FRMD4B: variants seen among roughly 807,000 people sequenced by gnomAD.
The protein encoded by FRMD4B is FERM domain containing 4B, also known as FERM domain-containing protein 4B.
FRMD4B carries 74 observed loss-of-function variants against 141.5 expected under a neutral mutation model. The ratio of observed to expected loss-of-function variants is 0.52; its 90% confidence interval spans 0.43 to 0.63. The LOEUF (loss-of-function observed/expected upper bound fraction) is 0.63, where lower values mean the gene tolerates loss of function less well. Among genes scored for constraint, FRMD4B ranks in the 30% least tolerant of loss-of-function variants. FRMD4B has a pLI of 0.00. For missense variants in FRMD4B, 1,366 were observed against 1,253.4 expected (o/e 1.09, Z -1.36); for synonymous variants, 506 against 467.9 (o/e 1.08, Z -1.05).
intron 3 of FRMD4B, among the ~76,000 whole-genome samples, chr3:69,308,150 G>C (rs963571368): frequency 6.6e-6 from 1 of 152,112 alleles, no homozygotes; most frequent in Non-Finnish European, 1.5e-5. Context: ...TGGGATGACA[G>C]CTCCCTTTTA....
intron 1 of FRMD4B, chr3:69,536,289 G>A (rs1701083844): frequency 4.7e-6 from 3 of 632,236 alleles, no homozygotes; most frequent in Admixed American, 5.2e-5. Context: ...CCATCTCCCT[G>A]GGCTGGATTT....
intron 5 of FRMD4B, among the ~76,000 whole-genome samples, chr3:69,263,761 A>T (rs1319806343): frequency 6.6e-6 from 1 of 150,702 alleles, no homozygotes; most frequent in Non-Finnish European, 1.5e-5. Flanking sequence ...AAGTTAAGAA[A>T]CAACTCCTGA....
At chr3:69,276,401 T>C (rs1375019823) in intron 5 of FRMD4B, among the ~76,000 whole-genome samples, 3 of 152,032 alleles carry the variant, frequency 2.0e-5, no homozygotes, top group Non-Finnish European at 4.4e-5. Flanking sequence ...GCCTCCTGAG[T>C]AGCTGGGACT....
At chr3:69,312,897 AAAT>A (rs1701647902) in intron 2 of FRMD4B, among the ~76,000 whole-genome samples, 2 of 152,178 alleles carry the variant, frequency 1.3e-5, no homozygotes, top group African/African-American at 4.8e-5. Context: ...TGAAAAAAAA[AAAT>A]ATATCTATCT....
chr3:69,447,468 T>C (rs1240577694), intron 1 of FRMD4B, among the ~76,000 whole-genome samples: 2 of 152,194 alleles, frequency 1.3e-5, no homozygotes. Context: ...AATAAAATAT[T>C]CCCATTTTAA....
intron 18 of FRMD4B, among the ~76,000 whole-genome samples, chr3:69,188,284 C>T (rs4541413): frequency 0.82 from 125,238 of 152,146 alleles, 54,975 homozygotes; most frequent in Non-Finnish European, 0.99. Context: ...TTTTGTTCAC[C>T]TTTACTTTTA....
chr3:69,439,855 A>C (rs1705317206), intron 1 of FRMD4B, among the ~76,000 whole-genome samples: 1 of 152,176 alleles, frequency 6.6e-6, no homozygotes, highest in African/African-American at 2.4e-5. Context: ...AAACCTTTTC[A>C]ATTTTTACTG....
At chr3:69,278,616 T>A (rs1188552817) in intron 5 of FRMD4B, among the ~76,000 whole-genome samples, 6 of 151,610 alleles carry the variant, frequency 4.0e-5, no homozygotes. Flanking sequence ...TTTTTTTTTT[T>A]TGCCCTGCCG....
At chr3:69,504,553 A>C (rs891795539) in intron 1 of FRMD4B, among the ~76,000 whole-genome samples, 4 of 152,172 alleles carry the variant, frequency 2.6e-5, no homozygotes, top group African/African-American at 7.2e-5. Context: ...ATTTCATATA[A>C]ATGGGATCAC....
At chr3:69,222,063 T>C (rs1044497580) in intron 8 of FRMD4B, 140 bp from the exon 9 acceptor site, 7 of 625,820 alleles carry the variant, frequency 1.1e-5, no homozygotes, top group African/African-American at 5.5e-5. Flanking sequence ...AGTTTGGCTT[T>C]TGTTTCTGTA....
chr3:69,378,866 G>C (rs1251838599), intron 1 of FRMD4B, among the ~76,000 whole-genome samples: 1 of 151,410 alleles, frequency 6.6e-6, no homozygotes, highest in African/African-American at 2.4e-5. Flanking sequence ...TTCCATGCCT[G>C]AAATACCCTT....
intron 18 of FRMD4B, among the ~76,000 whole-genome samples, chr3:69,188,325 A>G (rs2092792653): frequency 6.6e-6 from 1 of 152,234 alleles, no homozygotes; most frequent in Non-Finnish European, 1.5e-5. Context: ...CCAAAGGCTT[A>G]TCCTGTCATT....
chr3:69,462,224 G>A (rs958363526), intron 1 of FRMD4B, among the ~76,000 whole-genome samples: 3 of 152,252 alleles, frequency 2.0e-5, no homozygotes, highest in East Asian at 1.9e-4. Flanking sequence ...CAGTCTTGCC[G>A]GGAACTGTCT....
chr3:69,325,310 A>C (rs1017186753), intron 1 of FRMD4B, among the ~76,000 whole-genome samples: 4 of 152,242 alleles, frequency 2.6e-5, no homozygotes, highest in Non-Finnish European at 5.9e-5. Flanking sequence ...CCATTGCTGC[A>C]GCTCTAATGC....
chr3:69,283,386 A>AAAC (rs368314624), intron 5 of FRMD4B, among the ~76,000 whole-genome samples: 27 of 135,142 alleles, frequency 2.0e-4, no homozygotes, highest in South Asian at 7.7e-4. Context: ...CTCCATCTCA[A>AAAC]AACAACAACA....
At chr3:69,273,699 A>T (rs966072309) in intron 5 of FRMD4B, among the ~76,000 whole-genome samples, 3 of 152,178 alleles carry the variant, frequency 2.0e-5, no homozygotes, top group African/African-American at 7.2e-5. Flanking sequence ...TGCTCACTTG[A>T]CAAGTATTTA....
At chr3:69,313,294 G>A (rs1467370286) in intron 2 of FRMD4B, among the ~76,000 whole-genome samples, 158 bp downstream of exon 2, 1 of 152,120 alleles carries the variant, frequency 6.6e-6, no homozygotes, top group Non-Finnish European at 1.5e-5. Context: ...TTTTCCCCTT[G>A]ATCAATTCTG....
At chr3:69,297,673 A>C (rs1283456643) in intron 4 of FRMD4B, among the ~76,000 whole-genome samples, 2 of 152,064 alleles carry the variant, frequency 1.3e-5, no homozygotes, top group East Asian at 3.9e-4. Context: ...CCTCACTGTC[A>C]AGCCTTTCAA....
At chr3:69,254,448 G>T (rs1165268774) in intron 5 of FRMD4B, among the ~76,000 whole-genome samples, 2 of 152,074 alleles carry the variant, frequency 1.3e-5, no homozygotes, top group Non-Finnish European at 2.9e-5. Context: ...ATGAGAAACA[G>T]GACAGGATAT....
Sources: gnomAD v4.1 joint callset for allele counts (sites outside exome capture counted in the v4.1 genomes callset) on GRCh38, gnomAD v4.1.1 for gene constraint, MANE v1.5 for transcripts, NCBI Gene and HGNC (gene_info 2026-07-23, HGNC 2026-07-21) for gene names.